The following TMTC2 variants were observed in gnomAD, a reference collection of about 807,000 sequenced individuals.
TMTC2 encodes the protein transmembrane O-mannosyltransferase targeting cadherins 2.
Under a neutral mutation model 82.4 loss-of-function variants are expected in TMTC2, and 43 were observed. The ratio of observed to expected loss-of-function variants is 0.52; its 90% CI spans 0.41 to 0.67. The LOEUF (loss-of-function observed/expected upper bound fraction) is 0.67. TMTC2 is among the 30% of genes least tolerant of loss of function. The pLI is 0.00. For missense variants in TMTC2, 919 were observed against 1,012.4 expected (o/e 0.91, Z 1.25); for synonymous variants, 408 against 381.9 (o/e 1.07, Z -0.80).
intron 8 of TMTC2, among the ~76,000 whole-genome samples, chr12:83,026,303 C>T (rs972910395): frequency 1.3e-5 from 2 of 152,050 alleles, no homozygotes; most frequent in Admixed American, 6.6e-5. Flanking sequence ...CAAGAAATTA[C>T]AAGGATTTTA....
chr12:82,896,197 G>T lies in TMTC2; in HGVS notation c.1034G>T (p.Gly345Val), dbSNP rs1873670472. 6.2e-7 allele frequency: 1 copy of T among 1,613,986 alleles called. No individual in the cohort carries two copies. The highest frequency in any genetic ancestry group is 1.3e-5 in the African/African-American group (1 of 74,968). Residue 345 changes from glycine to valine, a missense_variant, in exon 3 of 12, where the codon GGC becomes GTC. Physicochemically the swap from Gly to Val is moderately radical, Grantham distance 109. Transcript: ENST00000321196. Reference protein sequence around the residue: ...RECNGKTVTNGKQNANGHSCL... With the variant: ...RECNGKTVTNVKQNANGHSCL... ...TGCAATGGGAAAACTGTAACAAATG[G>T]CAAGCAGAATGCAAATGGACATAGC... is the stretch of plus-strand genomic sequence containing the variant.
At chr12:82,825,440 G>C (rs1240480741) in intron 1 of TMTC2, among the ~76,000 whole-genome samples, 1 of 152,170 alleles carries the variant, frequency 6.6e-6, no homozygotes, top group Non-Finnish European at 1.5e-5. Context: ...AAGAGACACA[G>C]GGGAACAATG....
intron 11 of TMTC2, among the ~76,000 whole-genome samples, chr12:83,099,767 T>A (rs1884152517): frequency 6.6e-6 from 1 of 152,266 alleles, no homozygotes; most frequent in South Asian, 2.1e-4. Context: ...TGGGTAACCT[T>A]ACCCTTGCAA....
chr12:82,932,251 C>G (rs1205341900), intron 4 of TMTC2, among the ~76,000 whole-genome samples: 15 of 152,100 alleles, frequency 9.9e-5, no homozygotes, highest in Admixed American at 7.9e-4. Flanking sequence ...CGTGTTTAAC[C>G]TCGTAGGCTT....
chr12:82,790,440 A>T (rs952328656), intron 1 of TMTC2, among the ~76,000 whole-genome samples: 8 of 152,082 alleles, frequency 5.3e-5, no homozygotes, highest in Non-Finnish European at 7.4e-5. Flanking sequence ...AGCATTTTTT[A>T]AAAAACTATT....
chr12:82,800,992 T>TTGTTTCTCAACAAATAC (rs1723422428), intron 1 of TMTC2, among the ~76,000 whole-genome samples: 1 of 152,176 alleles, frequency 6.6e-6, no homozygotes, highest in East Asian at 1.9e-4. Context: ...TTTTATGTAT[T>TTGTTTCTCAACAAATAC]TGTTTCTCAA....
At chr12:83,037,107 G>T (rs1483880846) in intron 9 of TMTC2, among the ~76,000 whole-genome samples, 2 of 152,130 alleles carry the variant, frequency 1.3e-5, no homozygotes, top group Non-Finnish European at 2.9e-5. Context: ...ATGAGCTTTG[G>T]TAGGAACAGG....
At chr12:83,024,882 AAACTATT>A (rs1881092804) in intron 8 of TMTC2, among the ~76,000 whole-genome samples, 1 of 152,204 alleles carries the variant, frequency 6.6e-6, no homozygotes, top group African/African-American at 2.4e-5. Flanking sequence ...TAGTAACTAT[AAACTATT>A]AAGTTATATA....
chr12:82,927,362 G>A (rs1018646880), intron 3 of TMTC2, among the ~76,000 whole-genome samples: 3 of 152,192 alleles, frequency 2.0e-5, no homozygotes, highest in Non-Finnish European at 4.4e-5. Context: ...GCCTAAAGAT[G>A]TGACTGAATT....
At chr12:82,907,259 C>T (rs1246359728) in intron 3 of TMTC2, among the ~76,000 whole-genome samples, 4 of 151,552 alleles carry the variant, frequency 2.6e-5, no homozygotes, top group Admixed American at 6.6e-5. Context: ...GTCAGGAGTT[C>T]GAGACCAGCC....
At position 83,134,582 on chromosome 12, in the gene TMTC2, G is replaced by C. The variant is rs1885376442; in HGVS notation, c.*2193G>C. ...CCCTGACACTTTTCACTACAGGGCT[G>C]GACTTAGTAACTGACCAACTTCGGG... On this transcript the variant is annotated 3_prime_UTR_variant, in exon 12 of 12. Coordinates refer to ENST00000321196, the MANE Select transcript of TMTC2 (RefSeq NM_152588.3). 7.5e-6 allele frequency: 1 copy of C among 132,954 alleles called. No homozygotes were observed. The highest frequency in any genetic ancestry group is 1.6e-5 in the Non-Finnish European group (1 of 63,332). The allele number at this position is 132,954 out of a possible 1,614,324, so 8.2% of individuals were successfully genotyped here.
chr12:82,721,539 A>G (rs2136927047), intron 1 of TMTC2, among the ~76,000 whole-genome samples: 1 of 152,318 alleles, frequency 6.6e-6, no homozygotes, highest in East Asian at 1.9e-4. Context: ...GTCTCCCATT[A>G]TGCAGTGAAC....
At chr12:82,989,464 CA>C (rs1472859434) in intron 8 of TMTC2, among the ~76,000 whole-genome samples, 1 of 151,574 alleles carries the variant, frequency 6.6e-6, no homozygotes, top group East Asian at 1.9e-4. Flanking sequence ...CACAACTCCA[CA>C]TAAGTATTAA....
chr12:82,763,594 G>C (rs537614779), intron 1 of TMTC2, among the ~76,000 whole-genome samples: 7 of 152,254 alleles, frequency 4.6e-5, no homozygotes, highest in South Asian at 2.1e-4. Flanking sequence ...TATGTCAAAG[G>C]CTTTTCAAGT....
chr12:83,001,689 C>G (rs964384408), intron 8 of TMTC2, among the ~76,000 whole-genome samples: 2 of 151,222 alleles, frequency 1.3e-5, no homozygotes, highest in African/African-American at 4.9e-5. Context: ...ACCAGATACC[C>G]GAAGTCATCT....
At chr12:82,865,479 T>C (rs1056133013) in intron 2 of TMTC2, among the ~76,000 whole-genome samples, 20 of 152,242 alleles carry the variant, frequency 1.3e-4, no homozygotes, top group Admixed American at 3.9e-4. Flanking sequence ...AATATATATG[T>C]ACCCAATACA....
In TMTC2 at chr12:83,132,917, T is replaced by C. The variant is rs1670765299; in HGVS notation, c.*528T>C. 6.5e-6 allele frequency: 1 copy of C among 153,688 alleles called. No individual in the cohort carries two copies. The highest frequency in any genetic ancestry group is 6.5e-5 in the Admixed American group (1 of 15,294). 9.5% of individuals were successfully genotyped at this position (153,688 alleles called of 1,614,324 possible). ...ATCAATTTCTGAAGCTTAGAACACT[T>C]TTTTTAATACTGTGTCAAGATCTGT... On this transcript the variant is annotated 3_prime_UTR_variant, in exon 12 of 12. Coordinates refer to ENST00000321196, the MANE Select transcript of TMTC2 (RefSeq NM_152588.3).
intron 1 of TMTC2, among the ~76,000 whole-genome samples, chr12:82,847,179 G>A (rs2137100129): frequency 6.6e-6 from 1 of 152,262 alleles, no homozygotes; most frequent in East Asian, 1.9e-4. Flanking sequence ...TCCCTAAAGA[G>A]GTACTCTAAT....
intron 11 of TMTC2, among the ~76,000 whole-genome samples, chr12:83,066,728 A>T (rs1882930063): frequency 1.3e-5 from 2 of 151,962 alleles, no homozygotes; most frequent in South Asian, 4.1e-4. Flanking sequence ...ATTTCAAAAG[A>T]TCTGATTAAG....
Sources: allele counts gnomAD v4.1 joint callset (sites outside exome capture counted in the v4.1 genomes callset), GRCh38; gene constraint gnomAD v4.1.1; transcripts MANE v1.5; gene names NCBI Gene and HGNC (gene_info 2026-07-23, HGNC 2026-07-21).